The following PI4K2A variants were observed in gnomAD, a reference collection of about 807,000 sequenced individuals.
The protein encoded by PI4K2A is phosphatidylinositol 4-kinase type 2-alpha.
A neutral mutation model predicts 55.0 loss-of-function variants in PI4K2A; 20 were observed. The observed-to-expected ratio is 0.36, with a 90% CI of 0.26 to 0.53. The LOEUF (loss-of-function observed/expected upper bound fraction) is 0.53, where lower values mean the gene tolerates loss of function less well. PI4K2A is among the 20% of genes least tolerant of loss of function. PI4K2A has a pLI of 0.91. For missense variants in PI4K2A, 463 were observed against 637.1 expected (o/e 0.73, Z 2.94); for synonymous variants, 235 against 258.5 (o/e 0.91, Z 0.87).
At chr10:97,667,598 T>G (rs1021694603) in intron 8 of PI4K2A, among the ~76,000 whole-genome samples, 1 of 152,174 alleles carries the variant, frequency 6.6e-6, no homozygotes, top group Non-Finnish European at 1.5e-5. Flanking sequence ...CTCCCAATTC[T>G]CCCACCTCTT....
intron 1 of PI4K2A, among the ~76,000 whole-genome samples, chr10:97,649,609 ATTTTTTTTT>A (rs60329004): frequency 5.1e-4 from 36 of 70,552 alleles, no homozygotes; most frequent in South Asian, 7.0e-4. Context: ...TCCATAATAG[ATTTTTTTTT>A]TTTTTTTTTT....
At chr10:97,645,015 G>A (rs1589931251) in intron 1 of PI4K2A, among the ~76,000 whole-genome samples, 1 of 152,108 alleles carries the variant, frequency 6.6e-6, no homozygotes, top group South Asian at 2.1e-4. Context: ...GTCATGGGGA[G>A]AGTATACACA....
At chr10:97,645,914 C>G (rs2041502816) in intron 1 of PI4K2A, among the ~76,000 whole-genome samples, 1 of 151,942 alleles carries the variant, frequency 6.6e-6, no homozygotes, top group Non-Finnish European at 1.5e-5. Context: ...AATAAGGCTT[C>G]TCTACCTAAA....
chr10:97,651,001 T>C, exon 2 of PI4K2A: 1 of 1,614,088 alleles, frequency 6.2e-7, no homozygotes, highest in Non-Finnish European at 8.5e-7. Context: ...TAATCCTAAG[T>C]GGACCAAGTG....
At chr10:97,674,563 A>G (rs1401084665) in exon 9 of PI4K2A, 1 of 152,238 alleles carries the variant, frequency 6.6e-6, no homozygotes, top group African/African-American at 2.4e-5. Context: ...GCCGGAGTGT[A>G]TGCCGGGAGC....
chr10:97,652,282 T>C (rs1274302079), intron 2 of PI4K2A, among the ~76,000 whole-genome samples: 1 of 152,020 alleles, frequency 6.6e-6, no homozygotes. Flanking sequence ...AAAATCCCTC[T>C]GCTTAAAGTT....
rs1564772214 is a variant in PI4K2A at position 97,642,836 on chromosome 10, TTC to T, written c.435+1660_435+1661del. ...CTTCCTTCCTTCCTTCCTTCCTTCCTTCCTTCCTTCCTTCCTTTCTTTCTTTC... is the reference window on the plus strand; with the variant it reads ...CTTCCTTCCTTCCTTCCTTCCTTCCTCTTCCTTCCTTCCTTTCTTTCTTTC... On this transcript the variant is annotated intron_variant, in intron 1 of 8. Transcript: ENST00000370631. 4.5e-3 allele frequency among the ~76,000 whole-genome samples: 16 copies of T among 3,594 alleles called. 1 individual carries two copies. In the South Asian group the frequency reaches 0.063, roughly 14 times the overall value. The allele number at this position is 3,594 out of a possible 152,430, so 2.4% of individuals were successfully genotyped here.
chr10:97,642,846 C>CCTTT (rs2041480509), intron 1 of PI4K2A, among the ~76,000 whole-genome samples: 1 of 59,220 alleles, frequency 1.7e-5, no homozygotes, highest in East Asian at 7.4e-4. Context: ...TTCCTTCCTT[C>CCTTT]CTTCCTTTCT....
chr10:97,674,063 C>A, exon 9 of PI4K2A: 9 of 261,756 alleles, frequency 3.4e-5, no homozygotes, highest in Admixed American at 5.1e-5. Context: ...TGCTCTATTG[C>A]AATTCCCTAT....
intron 5 of PI4K2A, among the ~76,000 whole-genome samples, chr10:97,663,516 CTTT>C (rs34921397): frequency 7.1e-6 from 1 of 141,780 alleles, no homozygotes; most frequent in African/African-American, 2.6e-5. Context: ...TCTTTTCTTT[CTTT>C]TTTTTTTTTT....
intron 1 of PI4K2A, among the ~76,000 whole-genome samples, chr10:97,642,428 G>A (rs1012087723): frequency 3.3e-5 from 5 of 149,264 alleles, no homozygotes; most frequent in Non-Finnish European, 5.9e-5. Context: ...TTGAGACAGA[G>A]TCTTGCTCTG....
chr10:97,645,452 CAA>C (rs1370865696), intron 1 of PI4K2A, among the ~76,000 whole-genome samples: 1 of 151,538 alleles, frequency 6.6e-6, no homozygotes. Context: ...ACTAGAAATA[CAA>C]AAAATTAGCC....
At chr10:97,654,187 G>A (rs546079972) in intron 2 of PI4K2A, among the ~76,000 whole-genome samples, 1 of 152,290 alleles carries the variant, frequency 6.6e-6, no homozygotes, top group South Asian at 2.1e-4. Context: ...AGTTTCATTA[G>A]TCATGGGGAA....
chr10:97,667,063 A>G (rs768473270), exon 8 of PI4K2A: 2 of 1,613,228 alleles, frequency 1.2e-6, no homozygotes, highest in African/African-American at 2.7e-5. Flanking sequence ...TTTTGCAGAA[A>G]GATCCTGGTT....
chr10:97,645,257 A>G (rs909740193), intron 1 of PI4K2A, among the ~76,000 whole-genome samples: 1 of 152,132 alleles, frequency 6.6e-6, no homozygotes, highest in Non-Finnish European at 1.5e-5. Flanking sequence ...ATTTTTAAAA[A>G]CATTCCTACT....
At position 97,656,888 on chromosome 10, in the gene PI4K2A, C is replaced by T; in HGVS notation, c.836C>T (p.Ala279Val). ...GACTATTGGCTGCGGCGTTTTGAAG[C>T]AGAACCTCTTCCTGAGAACACTAAC... The change falls in exon 4 of 9, where the codon GCA becomes GTA. Residue 279 changes from alanine (A) to valine (V), a missense_variant. By Grantham distance (64) the Ala-to-Val change is moderately conservative. Transcript: ENST00000370631. The surrounding 1 kb of genome is among the most constrained non-coding windows in gnomAD (Gnocchi z 4.5). The T allele has an allele frequency of 1.9e-6, 3 of 1,614,122 alleles. No individual in the cohort carries two copies. Among genetic ancestry groups the T allele is most frequent in the Non-Finnish European group, 2.5e-6 (3 of 1,179,980 alleles).
intron 4 of PI4K2A, among the ~76,000 whole-genome samples, chr10:97,662,698 C>T (rs549360859): frequency 1.4e-4 from 21 of 152,196 alleles, no homozygotes; most frequent in Non-Finnish European, 2.4e-4. Flanking sequence ...CCATGGATTT[C>T]CTTTCTCTCC....
rs1366142536 is a variant in PI4K2A, at chr10:97,656,553, G to A, written c.768+137G>A. On this transcript the variant is annotated intron_variant, in intron 3 of 8. Coordinates refer to ENST00000370631, the Ensembl canonical transcript of PI4K2A. The surrounding 1 kb of genome is among the most constrained non-coding windows in gnomAD (Gnocchi z 4.5). ...TGAGGATCCTGTCTTCCTTATTTCTGTCAAGTGGCTAAGGTTTGAAAAGTT... is the reference window on the plus strand; with the variant it reads ...TGAGGATCCTGTCTTCCTTATTTCTATCAAGTGGCTAAGGTTTGAAAAGTT... 1 of 844,434 alleles carries A rather than the reference G, an allele frequency of 1.2e-6. No individual in the cohort carries two copies. The highest frequency in any genetic ancestry group is 1.8e-6 in the Non-Finnish European group (1 of 542,404). The allele number at this position is 844,434 out of a possible 1,614,324, so 52.3% of individuals were successfully genotyped here. A position where few individuals can be genotyped will look rare whatever the true frequency, so the allele number is the denominator to read the frequency against.
intron 8 of PI4K2A, among the ~76,000 whole-genome samples, chr10:97,667,846 G>A (rs2041616974): frequency 6.6e-6 from 1 of 152,162 alleles, no homozygotes; most frequent in Admixed American, 6.5e-5. Flanking sequence ...GTAATAATAC[G>A]TTGCACAGTT....
Sources: allele counts gnomAD v4.1 joint callset (sites outside exome capture counted in the v4.1 genomes callset), GRCh38; gene constraint gnomAD v4.1.1; non-coding constraint Gnocchi (gnomAD v3.1); transcripts MANE v1.5; gene names NCBI Gene and HGNC (gene_info 2026-07-23, HGNC 2026-07-21).